The following HSD17B6 variants were observed in gnomAD, a reference collection of about 807,000 sequenced individuals.
HSD17B6 encodes hydroxysteroid 17-beta dehydrogenase 6, also known as 17-beta-hydroxysteroid dehydrogenase type 6.
A neutral mutation model predicts 26.4 loss-of-function variants in HSD17B6; 16 were observed. That is an observed-to-expected ratio of 0.61 (90% CI 0.41 to 0.92). HSD17B6 has a LOEUF of 0.92. HSD17B6 is among the 40% of genes least tolerant of loss of function. HSD17B6 has a pLI of 0.00. For synonymous variants in HSD17B6, 139 were observed against 153.0 expected, an observed-to-expected ratio of 0.91 and a Z score of 0.68; for missense variants, 357 against 386.1, an observed-to-expected ratio of 0.92 and a Z score of 0.63.
At chr12:56,783,894 G>C (rs532161418) in intron 3 of HSD17B6, among the ~76,000 whole-genome samples, 1 of 151,870 alleles carries the variant, frequency 6.6e-6, no homozygotes, top group South Asian at 2.1e-4. Context: ...GTGGCAGCCA[G>C]GTGGAGGGGC....
chr12:56,774,150 C>G lies in HSD17B6; in HGVS notation c.298C>G (p.His100Asp), dbSNP rs1240412456. The G allele has an allele frequency of 3.8e-6, 6 of 1,571,596 alleles. No individual in the cohort carries two copies. Among genetic ancestry groups the G allele is most frequent in the Non-Finnish European group, 5.2e-6 (6 of 1,157,064 alleles). ...TGCAGCTACTCAGTGGGTGAAGGAG[C>G]ATGTGGGGGACAGAGGTATGAAATA... The part of the protein sequence containing the change: ...IAAATQWVKE[H>D]VGDRGLWGLV... Residue 100 changes from histidine (H) to aspartate (D), a missense_variant, in exon 2 of 5, where the codon CAT becomes GAT. Coordinates refer to ENST00000322165, the MANE Select transcript of HSD17B6 (RefSeq NM_003725.4).
At chr12:56,777,365 A>AT (rs60596799) in intron 2 of HSD17B6, among the ~76,000 whole-genome samples, 1,809 of 138,842 alleles carry the variant, frequency 0.013, 15 homozygotes, top group Non-Finnish European at 0.017. Flanking sequence ...CAAAGTGTAA[A>AT]TTTTTTTTTT....
chr12:56,785,793 T>C (rs1954861478), intron 4 of HSD17B6: 1 of 178,700 alleles, frequency 5.6e-6, no homozygotes, highest in African/African-American at 2.4e-5. Flanking sequence ...AAACTATGTG[T>C]CTTAATGTGA....
chr12:56,768,227 G>C (rs1234421512), intron 1 of HSD17B6, among the ~76,000 whole-genome samples: 1 of 152,016 alleles, frequency 6.6e-6, no homozygotes, highest in African/African-American at 2.4e-5. Context: ...ATATTGCAGT[G>C]AGGTCTGAGG....
At chr12:56,764,439 G>A (rs1174325815) in intron 1 of HSD17B6, among the ~76,000 whole-genome samples, 1 of 152,214 alleles carries the variant, frequency 6.6e-6, no homozygotes, top group Non-Finnish European at 1.5e-5. Context: ...TGATAGAAAT[G>A]ATTAAGGATG....
chr12:56,778,415 G>A (rs543889657), intron 2 of HSD17B6, among the ~76,000 whole-genome samples: 2 of 152,094 alleles, frequency 1.3e-5, no homozygotes, highest in East Asian at 1.9e-4. Flanking sequence ...AGCCTCCTAG[G>A]TAGCTGGGAT....
chr12:56,779,002 C>T (rs1592369144), intron 2 of HSD17B6, among the ~76,000 whole-genome samples: 5 of 152,146 alleles, frequency 3.3e-5, no homozygotes. Flanking sequence ...AATCCTTATA[C>T]TTTCAACTTT....
intron 3 of HSD17B6, among the ~76,000 whole-genome samples, chr12:56,783,565 G>A (rs1281358670): frequency 6.3e-5 from 9 of 141,920 alleles, no homozygotes; most frequent in East Asian, 4.5e-4. Context: ...CCTCCCTCCC[G>A]GACAGGACGG....
chr12:56,775,685 G>A (rs1335729342), intron 2 of HSD17B6, among the ~76,000 whole-genome samples: 2 of 151,636 alleles, frequency 1.3e-5, no homozygotes, highest in East Asian at 3.9e-4. Flanking sequence ...ATGAACCAAT[G>A]TTGATATGTT....
chr12:56,777,408 C>T (rs558672053), intron 2 of HSD17B6, among the ~76,000 whole-genome samples: 8 of 137,272 alleles, frequency 5.8e-5, no homozygotes, highest in African/African-American at 9.0e-5. Flanking sequence ...CTTGTTGCCC[C>T]GGCTGGCGTG....
At chr12:56,771,450 T>A (rs1954471396) in intron 1 of HSD17B6, among the ~76,000 whole-genome samples, 5 of 30,184 alleles carry the variant, frequency 1.7e-4, no homozygotes, top group Admixed American at 1.1e-3. Context: ...GGGTTGCAAT[T>A]TTTTTTTTTT....
At chr12:56,763,766 G>A (rs1296779537) in intron 1 of HSD17B6, among the ~76,000 whole-genome samples, 1 of 151,948 alleles carries the variant, frequency 6.6e-6, no homozygotes, top group African/African-American at 2.4e-5. Context: ...GGGTAAGTTT[G>A]TGAAACTTTG....
In HSD17B6 at chr12:56,773,937, G is replaced by A; in HGVS notation, c.85G>A (p.Asp29Asn). The A allele has an allele frequency of 6.2e-7, 1 of 1,614,122 alleles. No individual in the cohort carries two copies. Among genetic ancestry groups the A allele is most frequent in the South Asian group, 1.1e-5 (1 of 91,078 alleles). The part of the protein sequence containing the change: ...RERQVVSHLQ[D>N]KYVFITGCDS... ...GAGGCAGGTGGTGAGCCACCTCCAA[G>A]ACAAGTATGTCTTTATCACGGGCTG... Residue 29 changes from aspartate to asparagine, a missense_variant, in exon 2 of 5, where the codon GAC (aspartate) becomes AAC (asparagine). Transcript: ENST00000322165.
chr12:56,787,347 A>G lies in HSD17B6; in HGVS notation c.*5A>G. The stretch of plus-strand genomic sequence containing the variant: ...AAACCAGCCCAGGCAGTCTAAAGAA[A>G]ACTGGGTTGGTGCTTCTTGGAATGA... On this transcript the variant is annotated 3_prime_UTR_variant, in exon 5 of 5. Coordinates refer to ENST00000322165, the MANE Select transcript of HSD17B6 (RefSeq NM_003725.4). The G allele has an allele frequency of 6.2e-7, 1 of 1,602,578 alleles. No homozygotes were observed. The highest frequency in any genetic ancestry group is 8.5e-7 in the Non-Finnish European group (1 of 1,170,520).
chr12:56,784,769 T>C, intron 3 of HSD17B6, 84 bp from the exon 4 acceptor site: 3 of 1,340,538 alleles, frequency 2.2e-6, no homozygotes, highest in East Asian at 4.6e-5. Flanking sequence ...AGGTATTTTA[T>C]AATCTTTTTT....
intron 1 of HSD17B6, 24 bp downstream of exon 1, chr12:56,763,438 TGTGTG>T (rs1025396073): frequency 3.7e-5 from 1 of 27,082 alleles, no homozygotes; most frequent in African/African-American, 2.8e-4. Flanking sequence ...TAAGGGTGGT[TGTGTG>T]TGTGTGTGTG....
chr12:56,771,968 C>T (rs941415342), intron 1 of HSD17B6, among the ~76,000 whole-genome samples: 5 of 152,000 alleles, frequency 3.3e-5, no homozygotes, highest in African/African-American at 1.2e-4. Flanking sequence ...TTTTGCTTTC[C>T]TGCCATCATG....
chr12:56,774,470 G>A (rs1592364004), intron 2 of HSD17B6, among the ~76,000 whole-genome samples: 1 of 152,204 alleles, frequency 6.6e-6, no homozygotes, highest in South Asian at 2.1e-4. Flanking sequence ...TTTGGCACCA[G>A]GGACCGGTTT....
chr12:56,785,108 A>G, intron 4 of HSD17B6, 92 bp downstream of exon 4: 2 of 1,331,096 alleles, frequency 1.5e-6, no homozygotes, highest in Non-Finnish European at 2.1e-6. Flanking sequence ...TGGGTAATTT[A>G]TAAAGAAAAG....
Sources: allele counts gnomAD v4.1 joint callset (sites outside exome capture counted in the v4.1 genomes callset), GRCh38; gene constraint gnomAD v4.1.1; transcripts MANE v1.5; gene names NCBI Gene and HGNC (gene_info 2026-07-23, HGNC 2026-07-21).